The following ZNF521 variants were observed in gnomAD, a reference collection of about 807,000 sequenced individuals.
The protein encoded by ZNF521 is LYST-interacting protein 3.
In ZNF521, 14 loss-of-function variants were observed where a neutral mutation model predicts 105.5. The observed-to-expected ratio is 0.13, with a 90% confidence interval of 0.09 to 0.21. ZNF521 has a LOEUF of 0.21. ZNF521 is among the 10% of genes least tolerant of loss of function. The probability of loss-of-function intolerance (pLI) is 1.00; values close to 1 mark genes in which losing one functional copy is unlikely to be tolerated. For missense variants in ZNF521, 1,233 were observed against 1,629.7 expected (o/e 0.76, Z 4.19); for synonymous variants, 635 against 606.0 (o/e 1.05, Z -0.70).
chr18:25,082,546 G>T (rs1381512177), intron 7 of ZNF521: 1 of 449,964 alleles, frequency 2.2e-6, no homozygotes, highest in East Asian at 7.1e-5. Context: ...GATAATAAAA[G>T]AAATTTTGGC....
chr18:25,149,214 G>A (rs1248409573), intron 5 of ZNF521, among the ~76,000 whole-genome samples: 2 of 152,204 alleles, frequency 1.3e-5, no homozygotes, highest in Non-Finnish European at 2.9e-5. Context: ...CATGCGGTAT[G>A]AAGGGGAAGA....
In ZNF521 at chr18:25,062,050, C is replaced by A; in HGVS notation, c.*662G>T. On this transcript the variant is annotated 3_prime_UTR_variant, in exon 8 of 8. Coordinates refer to ENST00000361524, the MANE Select transcript of ZNF521 (RefSeq NM_015461.3). ...TTCAACTGATTCAAGAATTTGGCTG[C>A]GTGAAATCATTAAGGAAAACCTTGA... 1 of 195,046 alleles carries A rather than the reference C, an allele frequency of 5.1e-6. No individual in the cohort carries two copies. Among genetic ancestry groups the A allele is most frequent in the Non-Finnish European group, 1.1e-5 (1 of 93,856 alleles). The allele number at this position is 195,046 out of a possible 1,614,324, so 12.1% of individuals were successfully genotyped here.
chr18:25,182,600 T>C (rs1394471243), intron 5 of ZNF521, among the ~76,000 whole-genome samples: 1 of 152,222 alleles, frequency 6.6e-6, no homozygotes, highest in Admixed American at 6.5e-5. Context: ...ATATATGTGA[T>C]ATACGTAATC....
In ZNF521 at chr18:25,215,341, A is replaced by G. The variant is rs574264342; in HGVS notation, c.3573+9004T>C. Among the ~76,000 whole-genome samples, 42 of 152,346 alleles carry G rather than the reference A, an allele frequency of 2.8e-4. 1 individual carries two copies. Among genetic ancestry groups the G allele is most frequent in the African/African-American group, 8.2e-4 (34 of 41,578 alleles). Reference sequence around the variant, plus strand: ...TAGGCTGCTAAATTTCTAGAAATACAAAGTACATGTACTAGAAAACTACAT... The same window carrying G: ...TAGGCTGCTAAATTTCTAGAAATACGAAGTACATGTACTAGAAAACTACAT... On this transcript the variant is annotated intron_variant, in intron 4 of 7. Transcript: ENST00000361524.
chr18:25,195,372 C>T (rs1265952527), intron 4 of ZNF521, 128 bp from the exon 5 acceptor site: 4 of 678,308 alleles, frequency 5.9e-6, no homozygotes, highest in African/African-American at 3.8e-5. Flanking sequence ...ACTACAGGGC[C>T]CCTTGGCCCA....
chr18:25,343,139 A>G (rs1027008963), intron 2 of ZNF521, among the ~76,000 whole-genome samples: 1 of 152,218 alleles, frequency 6.6e-6, no homozygotes, highest in African/African-American at 2.4e-5. Context: ...TTTTGTCCCT[A>G]TCAGGTAAAT....
rs1243696574 is a variant in ZNF521 at position 25,100,407 on chromosome 18, G to T, written c.3659-8326C>A. Among the ~76,000 whole-genome samples, 4 of 152,074 alleles carry T rather than the reference G, an allele frequency of 2.6e-5. 1 individual carries two copies. Among genetic ancestry groups the T allele is most frequent in the Non-Finnish European group, 5.9e-5 (4 of 68,010 alleles). On this transcript the variant is annotated intron_variant, in intron 5 of 7. Transcript: ENST00000361524. ...TATATTATTGATTACTTATTGCAAA[G>T]ATGACATCTTCTCTCCTTCTGATTC...
intron 4 of ZNF521, among the ~76,000 whole-genome samples, chr18:25,198,881 T>G (rs143510162): frequency 7.4e-4 from 112 of 152,100 alleles, no homozygotes; most frequent in African/African-American, 2.3e-3. Flanking sequence ...CAGGTTATTC[T>G]GAGATACTCA....
At chr18:25,168,658 A>G (rs2035392244) in intron 5 of ZNF521, among the ~76,000 whole-genome samples, 1 of 152,188 alleles carries the variant, frequency 6.6e-6, no homozygotes, top group African/African-American at 2.4e-5. Context: ...CAAAGTCACT[A>G]AACTGCGTGA....
chr18:25,273,961 T>TCTCTGA (rs1233098515), intron 3 of ZNF521, among the ~76,000 whole-genome samples: 3 of 152,158 alleles, frequency 2.0e-5, no homozygotes, highest in Non-Finnish European at 2.9e-5. Context: ...TTCAGAGGTA[T>TCTCTGA]CATCTCACAG....
chr18:25,305,205 A>G (rs1911905176), intron 3 of ZNF521, among the ~76,000 whole-genome samples: 1 of 152,240 alleles, frequency 6.6e-6, no homozygotes, highest in African/African-American at 2.4e-5. Flanking sequence ...TAGCTAGACC[A>G]ATTCCATGAT....
intron 5 of ZNF521, among the ~76,000 whole-genome samples, chr18:25,193,003 TTAAA>T (rs1359721019): frequency 6.6e-6 from 1 of 152,034 alleles, no homozygotes; most frequent in Admixed American, 6.6e-5. Context: ...GGCATGAATA[TTAAA>T]TAACTAGACC....
chr18:25,270,794 T>C (rs187446546), intron 3 of ZNF521, among the ~76,000 whole-genome samples: 197 of 152,238 alleles, frequency 1.3e-3, no homozygotes, highest in Non-Finnish European at 2.1e-3. Context: ...ATAAGAGCTA[T>C]TTATGACAAG....
At chr18:25,244,546 T>C (rs901707344) in intron 3 of ZNF521, among the ~76,000 whole-genome samples, 4 of 152,168 alleles carry the variant, frequency 2.6e-5, no homozygotes, top group Admixed American at 2.0e-4. Context: ...CCCAGAGTCT[T>C]TGTTCTGGAA....
At chr18:25,196,735 T>C (rs761477139) in intron 4 of ZNF521, among the ~76,000 whole-genome samples, 10 of 151,800 alleles carry the variant, frequency 6.6e-5, no homozygotes, top group Non-Finnish European at 1.2e-4. Flanking sequence ...TGGTGACATA[T>C]AGAGCAACAT....
At chr18:25,173,035 A>C (rs2035474993) in intron 5 of ZNF521, among the ~76,000 whole-genome samples, 1 of 152,246 alleles carries the variant, frequency 6.6e-6, no homozygotes, top group Admixed American at 6.5e-5. Flanking sequence ...CTCTTGTCGC[A>C]AAGTATTCTA....
chr18:25,116,336 AT>A (rs1441565698), intron 5 of ZNF521, among the ~76,000 whole-genome samples: 1 of 152,180 alleles, frequency 6.6e-6, no homozygotes, highest in African/African-American at 2.4e-5. Context: ...TGGTGGTTAG[AT>A]TTAGATAATG....
At chr18:25,064,265 A>G (rs1367386791) in intron 7 of ZNF521, among the ~76,000 whole-genome samples, 1 of 151,712 alleles carries the variant, frequency 6.6e-6, no homozygotes, top group African/African-American at 2.4e-5. Flanking sequence ...ATTAGAAAAG[A>G]ACACAGAAAT....
At chr18:25,151,390 C>A (rs926258140) in intron 5 of ZNF521, among the ~76,000 whole-genome samples, 7 of 152,158 alleles carry the variant, frequency 4.6e-5, no homozygotes, top group Non-Finnish European at 1.0e-4. Context: ...CTTCTAACAC[C>A]TTGTGACTTA....
Sources: gnomAD v4.1 joint callset for allele counts (sites outside exome capture counted in the v4.1 genomes callset) on GRCh38, gnomAD v4.1.1 for gene constraint, MANE v1.5 for transcripts, NCBI Gene and HGNC (gene_info 2026-07-23, HGNC 2026-07-21) for gene names.